The following LIMCH1 variants were observed in gnomAD, a reference collection of about 807,000 sequenced individuals.
The protein encoded by LIMCH1 is LIM and calponin homology domains 1.
Under a neutral mutation model 176.5 loss-of-function variants are expected in LIMCH1, and 113 were observed. The observed-to-expected ratio is 0.64, with a 90% confidence interval of 0.55 to 0.75. The LOEUF is 0.75. Ranked by LOEUF, LIMCH1 falls within the 30% of genes least tolerant of loss-of-function variation. The pLI, the probability that LIMCH1 is intolerant of heterozygous loss-of-function variation, is 0.00. For missense variants in LIMCH1, 1,674 were observed against 1,814.9 expected, an observed-to-expected ratio of 0.92 and a Z score of 1.41; for synonymous variants, 619 against 645.9, an observed-to-expected ratio of 0.96 and a Z score of 0.63.
intron 3 of LIMCH1, 134 bp downstream of exon 3, chr4:41,604,039 T>A: frequency 1.1e-6 from 1 of 918,170 alleles, no homozygotes; most frequent in South Asian, 2.0e-5. Context: ...GAATAGTTAA[T>A]GACCATGATA....
At chr4:41,383,152 T>G (rs1396961250) in intron 1 of LIMCH1, among the ~76,000 whole-genome samples, 1 of 152,222 alleles carries the variant, frequency 6.6e-6, no homozygotes, top group East Asian at 1.9e-4. Context: ...CAGTTGTAAG[T>G]CTGTCTCTTC....
At chr4:41,388,736 G>A (rs1053254073) in intron 1 of LIMCH1, among the ~76,000 whole-genome samples, 3 of 151,952 alleles carry the variant, frequency 2.0e-5, no homozygotes, top group South Asian at 2.1e-4. Context: ...TCCGCCTCCC[G>A]GGTTCAAGTG....
chr4:41,627,227 G>A (rs76289791), intron 8 of LIMCH1, among the ~76,000 whole-genome samples: 1 of 152,100 alleles, frequency 6.6e-6, no homozygotes, highest in African/African-American at 2.4e-5. Flanking sequence ...AGACAGTAGA[G>A]TGTCCATGTC....
At chr4:41,629,799 A>G in intron 9 of LIMCH1, 65 bp downstream of exon 9, 1 of 1,455,402 alleles carries the variant, frequency 6.9e-7, no homozygotes, top group Non-Finnish European at 9.0e-7. Context: ...AAGGCATCAA[A>G]TGCTTATCTT....
At position 41,419,591 on chromosome 4, in the gene LIMCH1, CT is replaced by C. The variant is rs760599577; in HGVS notation, c.96+58657del. On this transcript the variant is annotated intron_variant, in intron 1 of 26. Transcript: ENST00000313860. ...CCTTCCTTCCTTCCTTCCTTCCTTC[CT>C]TCCTTCCTTCCGTCCTTCCTTCCTT... Among the ~76,000 whole-genome samples, 365 of 88,554 alleles carry C rather than the reference CT, an allele frequency of 4.1e-3. 20 individuals are homozygous for C. The highest frequency in any genetic ancestry group is 0.024 in the African/African-American group (328 of 13,734). 58.1% of individuals were successfully genotyped at this position (88,554 alleles called of 152,430 possible). A position where few individuals can be genotyped will look rare whatever the true frequency, so the allele number is the denominator to read the frequency against.
At position 41,629,649 on chromosome 4, in the gene LIMCH1, G is replaced by A. The variant is rs758976759; in HGVS notation, c.1186G>A (p.Glu396Lys). 31 of 1,536,034 alleles carry A rather than the reference G, an allele frequency of 2.0e-5. No homozygotes were observed. Among genetic ancestry groups the A allele is most frequent in the East Asian group, 7.3e-5 (3 of 40,902 alleles). ...RIQGSLAPHR[E>K]PPSFITLSNI... ...TCAGGGCAGCCTTGCCCCTCACCGC[G>A]AGCCCCCGAGCTTCATTACGCTCTC... Residue 396 changes from glutamate to lysine, a missense_variant, in exon 9 of 32, where the codon GAG becomes AAG. This residue lies in a region of LIMCH1 where 655 missense variants were observed against 692.2 expected (regional missense o/e 0.95). Transcript: ENST00000503057.
chr4:41,631,359 G>T lies in LIMCH1; in HGVS notation c.1483G>T (p.Asp495Tyr). 6.5e-7 allele frequency: 1 copy of T among 1,536,224 alleles called. No homozygotes were observed. Among genetic ancestry groups the T allele is most frequent in the Admixed American group, 2.0e-5 (1 of 51,004 alleles). ...LSIGKAGPRE[D>Y]EEEVICHGSK... ...CATTGGCAAGGCTGGGCCTAGAGAG[G>T]ATGAAGAAGAAGTCATCTGTCATGG... is the stretch of plus-strand genomic sequence containing the variant. Residue 495 changes from aspartate to tyrosine, a missense_variant, in exon 10 of 32, where the codon GAT (aspartate) becomes TAT (tyrosine). Asp to Tyr is a radical substitution (Grantham distance 160, BLOSUM62 -3). Coordinates refer to ENST00000503057, the MANE Select transcript of LIMCH1 (RefSeq NM_001330672.2).
intron 1 of LIMCH1, among the ~76,000 whole-genome samples, chr4:41,436,367 C>T (rs915807814): frequency 1.3e-5 from 2 of 152,136 alleles, no homozygotes; most frequent in Admixed American, 1.3e-4. Context: ...TGAGCAGTTG[C>T]CCCCACCGAA....
chr4:41,533,484 A>G (rs1185499222), upstream of LIMCH1, among the ~76,000 whole-genome samples: 1 of 152,176 alleles, frequency 6.6e-6, no homozygotes, highest in Non-Finnish European at 1.5e-5. Flanking sequence ...CTTTAAAGAT[A>G]ACACAGTTTT....
chr4:41,612,870 T>A, intron 4 of LIMCH1: 16 of 1,284,472 alleles, frequency 1.2e-5, no homozygotes, highest in South Asian at 3.7e-5. Flanking sequence ...TTTTTTTTTT[T>A]AACTTTTGCC....
In LIMCH1 at chr4:41,632,847, G is replaced by T. The variant is rs1416539682; in HGVS notation, c.1700G>T (p.Cys567Phe). The change falls in exon 11 of 32, where the codon TGC becomes TTC. Residue 567 changes from cysteine (C) to phenylalanine (F), a missense_variant. Cys to Phe is a radical substitution (Grantham distance 205). This residue lies in a region of LIMCH1 where 1,015 missense variants were observed against 1,102.5 expected (regional missense o/e 0.92). Coordinates refer to ENST00000503057, the MANE Select transcript of LIMCH1 (RefSeq NM_001330672.2). ...GAGTGGGTCTGCAGTTTGGGCGAGT[G>T]CCCGAGGGGGACAGAGGAAGGTGAG... ...QEEWVCSLGE[C>F]PRGTEEVTSK... is the part of the protein sequence containing the mutation. The T allele has an allele frequency of 6.5e-7, 1 of 1,536,212 alleles. No individual in the cohort carries two copies. Among genetic ancestry groups the T allele is most frequent in the Non-Finnish European group, 8.7e-7 (1 of 1,146,904 alleles).
intron 1 of LIMCH1, among the ~76,000 whole-genome samples, chr4:41,465,738 T>C (rs767454472): frequency 6.6e-6 from 1 of 152,172 alleles, no homozygotes; most frequent in Non-Finnish European, 1.5e-5. Flanking sequence ...AAGTAATAAT[T>C]TTCTATACAT....
chr4:41,698,937 CA>C lies in LIMCH1; in HGVS notation c.*1754del, dbSNP rs1732035965. ...AGAGATGAAGTCACTTCCAAGTTTC[CA>C]AGACTTCTCATGGAGGTGTTTGCTG... is the stretch of plus-strand genomic sequence containing the variant. On this transcript the variant is annotated 3_prime_UTR_variant, in exon 32 of 32. Transcript: ENST00000503057. The C allele has an allele frequency of 1.3e-5, 2 of 151,886 alleles. No homozygotes were observed. Among genetic ancestry groups the C allele is most frequent in the Admixed American group, 1.3e-4 (2 of 15,226 alleles). 9.4% of individuals were successfully genotyped at this position (151,886 alleles called of 1,614,324 possible). A position where few individuals can be genotyped will look rare whatever the true frequency, so the allele number is the denominator to read the frequency against.
At chr4:41,407,539 C>G (rs1561271506) in intron 1 of LIMCH1, among the ~76,000 whole-genome samples, 1 of 152,208 alleles carries the variant, frequency 6.6e-6, no homozygotes, top group Non-Finnish European at 1.5e-5. Flanking sequence ...CCCCCATCAT[C>G]TTTATCCTTC....
intron 1 of LIMCH1, among the ~76,000 whole-genome samples, chr4:41,415,849 C>T (rs1197940229): frequency 3.9e-5 from 6 of 152,062 alleles, no homozygotes; most frequent in South Asian, 2.1e-4. Context: ...TGGTGGCACG[C>T]GCCTGTAATC....
chr4:41,536,821 G>A (rs1316652419), upstream of LIMCH1, among the ~76,000 whole-genome samples: 2 of 152,166 alleles, frequency 1.3e-5, no homozygotes, highest in Admixed American at 6.6e-5. Context: ...TGGCATTATA[G>A]ATGGGATCTT....
At chr4:41,556,346 TATC>T (rs1379035167) in intron 1 of LIMCH1, among the ~76,000 whole-genome samples, 2 of 140,508 alleles carry the variant, frequency 1.4e-5, no homozygotes, top group African/African-American at 5.6e-5. Context: ...AGCAAGCTGA[TATC>T]ATCCCATTGC....
At chr4:41,363,106 GAT>G (rs1231867511) in intron 1 of LIMCH1, among the ~76,000 whole-genome samples, 1 of 152,224 alleles carries the variant, frequency 6.6e-6, no homozygotes, top group African/African-American at 2.4e-5. Context: ...CCAGGGGAAA[GAT>G]AGAGACCTCC....
chr4:41,478,920 G>A (rs1398709403), intron 1 of LIMCH1, among the ~76,000 whole-genome samples: 2 of 152,168 alleles, frequency 1.3e-5, no homozygotes, highest in African/African-American at 4.8e-5. Context: ...TGGACAGGTT[G>A]TTGACCTGAG....
Sources: allele counts gnomAD v4.1 joint callset (sites outside exome capture counted in the v4.1 genomes callset), GRCh38; gene constraint gnomAD v4.1.1; regional missense constraint gnomAD v4.1.1; transcripts MANE v1.5; gene names NCBI Gene and HGNC (gene_info 2026-07-23, HGNC 2026-07-21).